Variants in WDR49 observed in about 807,000 individuals in gnomAD.
WDR49 encodes the protein WD repeat domain 49.
WDR49 carries 107 observed loss-of-function variants against 119.5 expected under a neutral mutation model. That is an observed-to-expected ratio of 0.90 (90% CI 0.77 to 1.05). The LOEUF is 1.05. Ranked by LOEUF, WDR49 falls within the 50% of genes least tolerant of loss-of-function variation. WDR49 has a pLI of 0.00. For synonymous variants in WDR49, 425 were observed against 418.8 expected (o/e 1.01, Z -0.18); for missense variants, 1,240 against 1,220.5 (o/e 1.02, Z -0.24).
At chr3:167,496,551 A>C (rs1751360939) in intron 18 of WDR49, among the ~76,000 whole-genome samples, 1 of 151,848 alleles carries the variant, frequency 6.6e-6, no homozygotes, top group African/African-American at 2.4e-5. Context: ...TCATCTCTGA[A>C]TTTTCATGTG....
intron 7 of WDR49, among the ~76,000 whole-genome samples, chr3:167,587,936 C>A (rs1560299805): frequency 6.6e-6 from 1 of 152,054 alleles, no homozygotes; most frequent in Admixed American, 6.6e-5. Context: ...AAGCATTTAT[C>A]CTGTGTGTTA....
At chr3:167,554,549 C>T in intron 10 of WDR49, 101 bp downstream of exon 10, 4 of 654,108 alleles carry the variant, frequency 6.1e-6, no homozygotes, top group South Asian at 2.4e-5. Context: ...GTATCACTCA[C>T]CTAGGTCACC....
At chr3:167,587,554 C>T (rs564909740) in intron 7 of WDR49, among the ~76,000 whole-genome samples, 1 of 152,212 alleles carries the variant, frequency 6.6e-6, no homozygotes, top group South Asian at 2.1e-4. Context: ...GGCATGATCA[C>T]GCCTCACTGC....
chr3:167,627,224 A>G lies in WDR49; in HGVS notation c.234T>C (p.Val78=), dbSNP rs1457028999. Residue 78 remains valine (V), a synonymous_variant, in exon 3 of 19, where the codon GTT becomes GTC. Coordinates refer to ENST00000682715, the MANE Select transcript of WDR49 (RefSeq NM_001366157.1). ...EDFTQKMTEI[V]GWGTKEEYGE... is the part of the protein sequence containing the mutation. ...CATATTCTTCCTTCGTGCCCCAACC[A>G]ACAATCTCTGTCATCTTCTGCGTGA... is the stretch of plus-strand genomic sequence containing the variant. The G allele has an allele frequency of 8.0e-7, 1 of 1,254,166 alleles. No individual in the cohort carries two copies. The highest frequency in any genetic ancestry group is 3.6e-5 in the South Asian group (1 of 27,560). 77.7% of individuals were successfully genotyped at this position (1,254,166 alleles called of 1,614,324 possible).
At chr3:167,624,475 TG>T (rs1717030226) in intron 3 of WDR49, among the ~76,000 whole-genome samples, 1 of 151,994 alleles carries the variant, frequency 6.6e-6, no homozygotes, top group South Asian at 2.1e-4. Flanking sequence ...AAAGGGATTG[TG>T]GGAGTTACAA....
intron 18 of WDR49, among the ~76,000 whole-genome samples, chr3:167,479,669 A>G (rs1750623064): frequency 6.6e-6 from 1 of 152,242 alleles, no homozygotes; most frequent in Non-Finnish European, 1.5e-5. Flanking sequence ...GGTGGAAACT[A>G]GAAGCAGTAC....
At chr3:167,592,585 C>T (rs1453920373) in intron 7 of WDR49, among the ~76,000 whole-genome samples, 2 of 151,980 alleles carry the variant, frequency 1.3e-5, no homozygotes, top group African/African-American at 2.4e-5. Flanking sequence ...CAGGTGCACA[C>T]CACCACGCCC....
intron 10 of WDR49, among the ~76,000 whole-genome samples, chr3:167,552,055 C>G (rs62278306): frequency 0.27 from 40,281 of 151,662 alleles, 5,576 homozygotes; most frequent in South Asian, 0.31. Context: ...GAGAATAAAG[C>G]CATAAGGGTG....
chr3:167,505,447 T>C (rs2108214205), intron 16 of WDR49, 31 bp from the exon 17 acceptor site: 1 of 1,491,176 alleles, frequency 6.7e-7, no homozygotes, highest in South Asian at 1.4e-5. Flanking sequence ...ATGAAATACA[T>C]TATTAACCAC....
intron 15 of WDR49, among the ~76,000 whole-genome samples, chr3:167,524,598 G>C (rs1752569660): frequency 6.6e-6 from 1 of 152,100 alleles, no homozygotes; most frequent in Non-Finnish European, 1.5e-5. Context: ...TATAAGAAAG[G>C]GGTCCAATTT....
intron 16 of WDR49, among the ~76,000 whole-genome samples, chr3:167,508,791 G>A (rs1374812964): frequency 6.6e-6 from 1 of 152,134 alleles, no homozygotes; most frequent in Non-Finnish European, 1.5e-5. Context: ...GATTGTTGGT[G>A]AAAGTAGACT....
chr3:167,575,286 G>A, intron 8 of WDR49: 1 of 985,968 alleles, frequency 1.0e-6, no homozygotes, highest in South Asian at 4.7e-5. Context: ...CCTCCAAGAA[G>A]GGCTGTGGTC....
In WDR49 at chr3:167,561,784, C is replaced by A. The variant is rs138335472; in HGVS notation, c.1510-1556G>T. On this transcript the variant is annotated intron_variant, in intron 8 of 18. Coordinates refer to ENST00000682715, the MANE Select transcript of WDR49 (RefSeq NM_001366157.1). ...AATGTTACCAACATTATTTTACCAACGACAAAATTGAGTTTGTAATCAGCT... is the reference window on the plus strand; with the variant it reads ...AATGTTACCAACATTATTTTACCAAAGACAAAATTGAGTTTGTAATCAGCT... 5.0e-3 allele frequency among the ~76,000 whole-genome samples: 754 copies of A among 152,130 alleles called. 8 individuals are homozygous for A. The highest frequency in any genetic ancestry group is 0.018 in the African/African-American group (729 of 41,496).
intron 18 of WDR49, among the ~76,000 whole-genome samples, chr3:167,487,149 C>G (rs186852535): frequency 6.6e-6 from 1 of 151,998 alleles, no homozygotes; most frequent in African/African-American, 2.4e-5. Flanking sequence ...CCACAGTAAC[C>G]AAAACAGCAT....
intron 10 of WDR49, among the ~76,000 whole-genome samples, chr3:167,554,113 C>T (rs1200039643): frequency 2.0e-5 from 3 of 151,830 alleles, no homozygotes; most frequent in African/African-American, 7.3e-5. Flanking sequence ...GTTTATGATC[C>T]TTAGTTCTGT....
upstream of WDR49, among the ~76,000 whole-genome samples, chr3:167,655,692 G>A (rs564345348): frequency 6.6e-6 from 1 of 152,274 alleles, no homozygotes; most frequent in South Asian, 2.1e-4. Flanking sequence ...GAGGTCAGGA[G>A]TTCAAGACCA....
At chr3:167,500,376 A>G (rs1168926325) in intron 17 of WDR49, 77 bp from the exon 18 acceptor site, 6 of 1,521,496 alleles carry the variant, frequency 3.9e-6, no homozygotes, top group African/African-American at 2.8e-5. Context: ...AAGAGCCAGC[A>G]CATTTCCAAG....
At chr3:167,631,998 C>T (rs577226812) in intron 2 of WDR49, among the ~76,000 whole-genome samples, 2 of 152,042 alleles carry the variant, frequency 1.3e-5, no homozygotes, top group African/African-American at 2.4e-5. Context: ...GATAGCTGGA[C>T]ATTTTTTAGT....
At chr3:167,505,495 G>T in intron 16 of WDR49, 79 bp from the exon 17 acceptor site, 1 of 1,377,884 alleles carries the variant, frequency 7.3e-7, no homozygotes, top group South Asian at 1.6e-5. Flanking sequence ...GTGTATCTTT[G>T]ACCAAAAAAA....
Sources: gnomAD v4.1 joint callset for allele counts (sites outside exome capture counted in the v4.1 genomes callset) on GRCh38, gnomAD v4.1.1 for gene constraint, MANE v1.5 for transcripts, NCBI Gene and HGNC (gene_info 2026-07-23, HGNC 2026-07-21) for gene names.